The following IMPG1 variants were observed in gnomAD, a reference collection of about 807,000 sequenced individuals.
IMPG1 encodes the protein interphotoreceptor matrix proteoglycan 1.
A neutral mutation model predicts 92.0 loss-of-function variants in IMPG1; 85 were observed. That is an observed-to-expected ratio of 0.92 (90% CI 0.78 to 1.11). The LOEUF (loss-of-function observed/expected upper bound fraction) is 1.11, where lower values mean the gene tolerates loss of function less well. IMPG1 is among the 50% of genes least tolerant of loss of function. The probability of loss-of-function intolerance (pLI) is 0.00; values close to 1 mark genes in which losing one functional copy is unlikely to be tolerated. For missense variants in IMPG1, 1,022 were observed against 956.0 expected (o/e 1.07, Z -0.91); for synonymous variants, 367 against 334.1 (o/e 1.10, Z -1.08).
At chr6:76,026,081 C>T (rs1179606367) in intron 4 of IMPG1, among the ~76,000 whole-genome samples, 1 of 152,126 alleles carries the variant, frequency 6.6e-6, no homozygotes, top group Admixed American at 6.5e-5. Flanking sequence ...GGGATTCAAG[C>T]TGCATGCGGG....
Position 76,011,205 on chromosome 6 carries a change from T to C in IMPG1, c.827A>G (p.Lys276Arg), listed in dbSNP as rs754596404. 2 of 1,554,032 alleles carry C rather than the reference T, an allele frequency of 1.3e-6. No homozygotes were observed. Among genetic ancestry groups the C allele is most frequent in the Admixed American group, 3.4e-5 (2 of 59,634 alleles). ...ATGGATTTTTTTGAATCCTGGAAGT[T>C]TCTTAAATATCTTTTGCATCTGCAG... ...SQLQMQKIFK[K>R]LPGFKKIHVL... is the part of the protein sequence containing the mutation. Residue 276 changes from lysine (K) to arginine (R), a missense_variant, in exon 8 of 17, where the codon AAA becomes AGA. Lys to Arg is a conservative substitution (Grantham distance 26, BLOSUM62 2). This residue lies in a region of IMPG1 where 681 missense variants were observed against 583.6 expected (regional missense o/e 1.17). Transcript: ENST00000369950.
rs1319164689 is a variant in IMPG1, at chr6:76,053,724, T to C, written c.68-11598A>G. Reference sequence around the variant, plus strand: ...GTACTTATATCAGAGTCGGCTCTAATTTAGCCCAGCATCTCTGTTTTCTGG... The same window carrying C: ...GTACTTATATCAGAGTCGGCTCTAACTTAGCCCAGCATCTCTGTTTTCTGG... On this transcript the variant is annotated intron_variant, in intron 1 of 16. Transcript: ENST00000369950. Among the ~76,000 whole-genome samples the C allele has an allele frequency of 3.3e-5, 5 of 152,238 alleles. No homozygotes were observed. In the East Asian group the frequency reaches 9.6e-4, roughly 29 times the overall value.
intron 12 of IMPG1, among the ~76,000 whole-genome samples, chr6:75,974,404 C>CCTTCCTTG (rs1562354932): frequency 0.018 from 1,937 of 107,922 alleles, 92 homozygotes; most frequent in Non-Finnish European, 0.024. Context: ...TTCTTTCTTT[C>CCTTCCTTG]CTTCCTTCCT....
intron 1 of IMPG1, among the ~76,000 whole-genome samples, chr6:76,048,666 T>C (rs1266655470): frequency 6.6e-6 from 1 of 152,236 alleles, no homozygotes; most frequent in Non-Finnish European, 1.5e-5. Flanking sequence ...AAACACGCTA[T>C]TATTTTACCT....
rs561770778 is a variant in IMPG1 at position 76,022,363 on chromosome 6, C to T, written c.563-144G>A. ...TTCTGAACTCATCTTTTTAAGATCACGTAAATATGTTCTTGAAAAAATATG... is the reference window on the plus strand; with the variant it reads ...TTCTGAACTCATCTTTTTAAGATCATGTAAATATGTTCTTGAAAAAATATG... On this transcript the variant is annotated intron_variant, in intron 5 of 16. Coordinates refer to ENST00000369950, the MANE Select transcript of IMPG1 (RefSeq NM_001563.4). The T allele has an allele frequency of 2.5e-4, 112 of 442,732 alleles. 1 individual carries two copies. Among genetic ancestry groups the T allele is most frequent in the Middle Eastern group, 1.4e-3 (2 of 1,462 alleles). 27.4% of individuals were successfully genotyped at this position (442,732 alleles called of 1,614,324 possible).
At chr6:76,009,945 C>T (rs561732900) in intron 8 of IMPG1, among the ~76,000 whole-genome samples, 1 of 152,194 alleles carries the variant, frequency 6.6e-6, no homozygotes, top group African/African-American at 2.4e-5. Context: ...TGCATTTATG[C>T]AGAATATTTT....
intron 12 of IMPG1, among the ~76,000 whole-genome samples, chr6:75,975,211 C>T (rs1337069203): frequency 6.6e-6 from 1 of 152,188 alleles, no homozygotes; most frequent in African/African-American, 2.4e-5. Context: ...AAGGATCAGT[C>T]AGTGGTGCTC....
intron 12 of IMPG1, among the ~76,000 whole-genome samples, chr6:75,960,939 C>T (rs1782204309): frequency 6.6e-6 from 1 of 152,130 alleles, no homozygotes; most frequent in African/African-American, 2.4e-5. Context: ...GTCCAGCTGC[C>T]AAATGTAGAG....
In IMPG1 at chr6:75,924,585, ATTATATATTATATATAATTAAT is replaced by A. The variant is rs1562334827; in HGVS notation, c.2244-901_2244-880del. Among the ~76,000 whole-genome samples, 18 of 22,136 alleles carry A rather than the reference ATTATATATTATATATAATTAAT, an allele frequency of 8.1e-4. 3 individuals carry two copies. The highest frequency in any genetic ancestry group is 2.1e-3 in the Admixed American group (2 of 966). 14.5% of individuals were successfully genotyped at this position (22,136 alleles called of 152,430 possible). A position where few individuals can be genotyped will look rare whatever the true frequency, so the allele number is the denominator to read the frequency against. On this transcript the variant is annotated intron_variant, in intron 15 of 16. Transcript: ENST00000369950. ...TTATATATTATATATAATTAATATA[ATTATATATTATATATAATTAAT>A]TATATATAATATATAATAAATTATA...
intron 12 of IMPG1, among the ~76,000 whole-genome samples, chr6:75,978,887 A>G (rs528710973): frequency 6.6e-6 from 1 of 152,306 alleles, no homozygotes; most frequent in South Asian, 2.1e-4. Context: ...GCAGATAGAC[A>G]AACTGTGGCA....
intron 1 of IMPG1, among the ~76,000 whole-genome samples, chr6:76,070,320 G>A (rs77488283): frequency 0.026 from 3,892 of 152,136 alleles, 138 homozygotes; most frequent in African/African-American, 0.086. Flanking sequence ...TCAAAAGTCA[G>A]AAAATAACAG....
intron 12 of IMPG1, among the ~76,000 whole-genome samples, chr6:75,963,543 G>C (rs1173120062): frequency 6.6e-6 from 1 of 152,132 alleles, no homozygotes; most frequent in Admixed American, 6.5e-5. Context: ...AGAGTTAGAC[G>C]CTCCAAAAGT....
chr6:76,048,426 T>C (rs1783981499), intron 1 of IMPG1, among the ~76,000 whole-genome samples: 1 of 152,172 alleles, frequency 6.6e-6, no homozygotes, highest in African/African-American at 2.4e-5. Flanking sequence ...TTCCCAAGCA[T>C]CCAGCACAGC....
intron 12 of IMPG1, among the ~76,000 whole-genome samples, chr6:75,974,377 TTC>T (rs1325582811): frequency 3.9e-4 from 43 of 111,636 alleles, no homozygotes; most frequent in Middle Eastern, 4.2e-3. Flanking sequence ...CTTTCTTTCT[TTC>T]TTTCTTTCTT....
At chr6:75,930,226 A>G (rs1471516342) in intron 15 of IMPG1, among the ~76,000 whole-genome samples, 1 of 152,196 alleles carries the variant, frequency 6.6e-6, no homozygotes, top group Non-Finnish European at 1.5e-5. Flanking sequence ...ACACATCATA[A>G]CACATCTAGA....
intron 12 of IMPG1, among the ~76,000 whole-genome samples, chr6:75,961,183 G>C (rs908762909): frequency 2.6e-5 from 4 of 152,052 alleles, no homozygotes; most frequent in African/African-American, 9.7e-5. Context: ...TACTAGAAAG[G>C]GTCACATATA....
intron 1 of IMPG1, among the ~76,000 whole-genome samples, chr6:76,061,969 A>G (rs1233284400): frequency 6.6e-6 from 1 of 152,210 alleles, no homozygotes; most frequent in African/African-American, 2.4e-5. Context: ...GTATCTGTGA[A>G]AAACTACATT....
intron 1 of IMPG1, among the ~76,000 whole-genome samples, chr6:76,042,617 G>T (rs992300449): frequency 1.3e-4 from 20 of 152,150 alleles, no homozygotes; most frequent in African/African-American, 4.6e-4. Context: ...TATATGGGCA[G>T]GGCTCAGAGC....
chr6:75,958,790 G>GT (rs1782169358), intron 12 of IMPG1, among the ~76,000 whole-genome samples: 1 of 151,874 alleles, frequency 6.6e-6, no homozygotes, highest in Admixed American at 6.6e-5. Flanking sequence ...TTTTTTCAAG[G>GT]TTTTTAGCTT....
Sources: gnomAD v4.1 joint callset for allele counts (sites outside exome capture counted in the v4.1 genomes callset) on GRCh38, gnomAD v4.1.1 for gene constraint, gnomAD v4.1.1 regional missense constraint, MANE v1.5 for transcripts, NCBI Gene and HGNC (gene_info 2026-07-23, HGNC 2026-07-21) for gene names.